The following RC3H2 variants were observed in gnomAD, a reference collection of about 807,000 sequenced individuals.
RC3H2 encodes ring finger and CCCH-type domains 2.
A neutral mutation model predicts 133.3 loss-of-function variants in RC3H2; 31 were observed. That is an observed-to-expected ratio of 0.23 (90% CI 0.17 to 0.31). The LOEUF (loss-of-function observed/expected upper bound fraction) is 0.31. Ranked by LOEUF, RC3H2 falls within the 10% of genes least tolerant of loss-of-function variation. RC3H2 has a pLI of 1.00. For missense variants in RC3H2, 1,175 were observed against 1,437.2 expected, an observed-to-expected ratio of 0.82 and a Z score of 2.95; for synonymous variants, 517 against 502.2, an observed-to-expected ratio of 1.03 and a Z score of -0.40.
chr9:122,891,483 C>A (rs900022146), intron 3 of RC3H2, among the ~76,000 whole-genome samples: 8 of 152,270 alleles, frequency 5.3e-5, no homozygotes, highest in Non-Finnish European at 5.9e-5. Flanking sequence ...TGAAACCCAC[C>A]CCAATCAAAT....
Position 122,848,917 on chromosome 9 carries a change from T to C in RC3H2, c.*710A>G, listed in dbSNP as rs545107492. The stretch of plus-strand genomic sequence containing the variant: ...GGCACTTGGTTATATTTTTAATTAA[T>C]TACTTCAACAAGTAGCCTGTGTATA... On this transcript the variant is annotated 3_prime_UTR_variant, in exon 21 of 21. Coordinates refer to ENST00000357244, the MANE Select transcript of RC3H2 (RefSeq NM_001100588.3). 6.6e-6 allele frequency: 1 copy of C among 152,110 alleles called. No individual in the cohort carries two copies. The highest frequency in any genetic ancestry group is 2.4e-5 in the African/African-American group (1 of 41,436). The allele number at this position is 152,110 out of a possible 1,614,324, so 9.4% of individuals were successfully genotyped here.
chr9:122,865,655 T>C lies in RC3H2; in HGVS notation c.1328A>G (p.Tyr443Cys), dbSNP rs1830616037. 6.2e-7 allele frequency: 1 copy of C among 1,606,112 alleles called. No individual in the cohort carries two copies. Among genetic ancestry groups the C allele is most frequent in the Non-Finnish European group, 8.5e-7 (1 of 1,176,740 alleles). Reference protein sequence around the residue: ...FAHSQEELEKYRLRNKKINAT... With the variant: ...FAHSQEELEKCRLRNKKINAT... ...ATTGATCTTTTTGTTCCTTAATCGA[T>C]ACCTGTTTCAAAAACAATCAACAGA... Residue 443 changes from tyrosine (Y) to cysteine (C), a missense_variant and splice_region_variant, in exon 10 of 21, where the codon TAT becomes TGT. By Grantham distance (194) the Tyr-to-Cys change is radical. Transcript: ENST00000357244.
At chr9:122,867,826 G>C (rs866534290) in intron 9 of RC3H2, among the ~76,000 whole-genome samples, 2 of 109,292 alleles carry the variant, frequency 1.8e-5, no homozygotes, top group Non-Finnish European at 3.9e-5. Flanking sequence ...CCCTCCGCCC[G>C]GCAGCCGGCC....
intron 10 of RC3H2, among the ~76,000 whole-genome samples, chr9:122,861,234 T>C (rs540420085): frequency 6.6e-6 from 1 of 152,258 alleles, no homozygotes; most frequent in East Asian, 1.9e-4. Flanking sequence ...CTCACACCTG[T>C]AATCCTAGCA....
chr9:122,864,723 C>T (rs1018013474), intron 10 of RC3H2, among the ~76,000 whole-genome samples: 7 of 152,090 alleles, frequency 4.6e-5, no homozygotes, highest in Admixed American at 1.3e-4. Context: ...TGGGTTCATG[C>T]CATTCTCCTA....
intron 9 of RC3H2, among the ~76,000 whole-genome samples, chr9:122,867,456 TG>T (rs977094759): frequency 6.9e-6 from 1 of 145,348 alleles, no homozygotes; most frequent in Admixed American, 6.8e-5. Context: ...AGGAGGGAGG[TG>T]GGGGGGTCAG....
chr9:122,890,215 A>C lies in RC3H2; in HGVS notation c.583+97T>G, dbSNP rs746180739. On this transcript the variant is annotated intron_variant, in intron 4 of 20. Coordinates refer to ENST00000357244, the MANE Select transcript of RC3H2 (RefSeq NM_001100588.3). The stretch of plus-strand genomic sequence containing the variant: ...TAATTATATCAAGATTTGTACATAT[A>C]AAGACGGGTTGAGTCTCAGGATTCA... The C allele has an allele frequency of 9.6e-6, 8 of 833,404 alleles. No homozygotes were observed. The Admixed American group carries it at 1.6e-4, about 17-fold the overall frequency. 51.6% of individuals were successfully genotyped at this position (833,404 alleles called of 1,614,324 possible).
chr9:122,880,678 T>G lies in RC3H2; in HGVS notation c.876A>C (p.Gly292=), dbSNP rs1564306796. 6.2e-7 allele frequency: 1 copy of G among 1,614,006 alleles called. No homozygotes were observed. The highest frequency in any genetic ancestry group is 1.3e-5 in the African/African-American group (1 of 75,004). The stretch of plus-strand genomic sequence containing the variant: ...ACCACTGTTCAGGTGAAATACGGAG[T>G]CCTGCTTCCATGGCAATATGAACAA... ...AQIVHIAMEA[G]LRISPEQWSS... The change falls in exon 6 of 21, where the codon GGA becomes GGC. Residue 292 remains glycine (G), a synonymous_variant. Coordinates refer to ENST00000357244, the MANE Select transcript of RC3H2 (RefSeq NM_001100588.3).
Position 122,892,918 on chromosome 9 carries a change from C to T in RC3H2, c.340G>A (p.Gly114Arg). The T allele has an allele frequency of 6.2e-7, 1 of 1,611,248 alleles. No homozygotes were observed. The highest frequency in any genetic ancestry group is 8.5e-7 in the Non-Finnish European group (1 of 1,178,094). Reference sequence around the variant, plus strand: ...CATTTTATGAACTTACCTTTACCTCCACTTAGTGGTTTTAAGTAGAGTGCC... The same window carrying T: ...CATTTTATGAACTTACCTTTACCTCTACTTAGTGGTTTTAAGTAGAGTGCC... ...DLALYLKPLS[G>R]GKGVASLNQS... The change falls in exon 3 of 21, where the codon GGA (glycine) becomes AGA (arginine). Residue 114 changes from glycine to arginine, a missense_variant. Around this residue, in one of 8 missense-constraint regions of RC3H2, gnomAD observed 121 missense variants for 243.5 expected, o/e 0.50. Transcript: ENST00000357244.
intron 4 of RC3H2, among the ~76,000 whole-genome samples, chr9:122,886,985 A>AT (rs1164314196): frequency 1.3e-5 from 2 of 152,214 alleles, no homozygotes; most frequent in Non-Finnish European, 2.9e-5. Context: ...ATAAAAGTAG[A>AT]TTTTTAAAAT....
At chr9:122,866,711 G>A (rs188891344) in intron 9 of RC3H2, among the ~76,000 whole-genome samples, 1 of 152,182 alleles carries the variant, frequency 6.6e-6, no homozygotes, top group Admixed American at 6.5e-5. Context: ...TCAGTGCTCA[G>A]TGGTGCCCAG....
rs377349398 is a variant in RC3H2 at position 122,849,694 on chromosome 9, T to G, written c.3509A>C (p.His1170Pro). Residue 1170 changes from histidine (H) to proline (P), a missense_variant, in exon 21 of 21, where the codon CAT becomes CCT. Around this residue, in one of 8 missense-constraint regions of RC3H2, gnomAD observed 220 missense variants for 201.1 expected, o/e 1.09. Transcript: ENST00000357244. The stretch of plus-strand genomic sequence containing the variant: ...GTCGTTTTTATCTTCAGACATAACA[T>G]GAGTTTTCAGAATGAGGTTGCCAGC... ...VSAGNLILKT[H>P]VMSEDKNDFL... 85 of 1,612,516 alleles carry G rather than the reference T, an allele frequency of 5.3e-5. No individual in the cohort carries two copies. In the Middle Eastern group the frequency reaches 6.6e-4, roughly 12 times the overall value.
Position 122,899,090 on chromosome 9 carries a change from GTTTTTTTTT to G in RC3H2, c.-67-1523_-67-1515del, listed in dbSNP as rs1183512993. On this transcript the variant is annotated intron_variant, in intron 1 of 20. Transcript: ENST00000357244. Reference sequence around the variant, plus strand: ...AAAAAATTCTATTAGCCTTTATTGTGTTTTTTTTTTTTTTTTTTTTTTTTTTTTCAGAGA... The same window carrying G: ...AAAAAATTCTATTAGCCTTTATTGTGTTTTTTTTTTTTTTTTTTTCAGAGA... 3.7e-4 allele frequency among the ~76,000 whole-genome samples: 33 copies of G among 88,390 alleles called. 2 individuals are homozygous for G. In the South Asian group the frequency reaches 0.011, roughly 28 times the overall value. 58.0% of individuals were successfully genotyped at this position (88,390 alleles called of 152,430 possible).
At chr9:122,858,367 T>C (rs1830329945) in intron 12 of RC3H2, among the ~76,000 whole-genome samples, 1 of 152,250 alleles carries the variant, frequency 6.6e-6, no homozygotes, top group Non-Finnish European at 1.5e-5. Flanking sequence ...CCTTGTATTT[T>C]TAAGATTTCT....
Position 122,892,691 on chromosome 9 carries a change from G to C in RC3H2, c.349+218C>G, listed in dbSNP as rs531661049. ...CTCCCAAAGTGCTGGGATTACAGGG[G>C]TGAGCCACCGCGCCCGGCTCTAGCT... On this transcript the variant is annotated intron_variant, in intron 3 of 20. Coordinates refer to ENST00000357244, the MANE Select transcript of RC3H2 (RefSeq NM_001100588.3). Among the ~76,000 whole-genome samples, 3 of 152,212 alleles carry C rather than the reference G, an allele frequency of 2.0e-5. No homozygotes were observed. The South Asian group carries it at 6.2e-4, about 32-fold the overall frequency.
At chr9:122,904,430 T>C (rs1028705372) in intron 1 of RC3H2, among the ~76,000 whole-genome samples, 6 of 152,208 alleles carry the variant, frequency 3.9e-5, no homozygotes, top group Non-Finnish European at 5.9e-5. Context: ...GTACAGCTGC[T>C]TCTCTGGGAA....
intron 18 of RC3H2, among the ~76,000 whole-genome samples, chr9:122,852,868 C>A (rs931507074): frequency 2.0e-5 from 3 of 152,198 alleles, no homozygotes; most frequent in African/African-American, 7.2e-5. Context: ...GCCACCACCC[C>A]GTCTGGGAGG....
At chr9:122,879,535 G>A (rs774826321) in intron 8 of RC3H2, among the ~76,000 whole-genome samples, 5 of 152,260 alleles carry the variant, frequency 3.3e-5, no homozygotes, top group Middle Eastern at 6.8e-3. Flanking sequence ...AAAATATTCT[G>A]CAATAAAGTA....
intron 13 of RC3H2, 102 bp from the exon 14 acceptor site, chr9:122,855,980 G>C (rs1024290027): frequency 8.3e-6 from 7 of 844,680 alleles, no homozygotes; most frequent in Non-Finnish European, 1.2e-5. Flanking sequence ...GGACTTCATA[G>C]CAAACAATTA....
Sources: gnomAD v4.1 joint callset for allele counts (sites outside exome capture counted in the v4.1 genomes callset) on GRCh38, gnomAD v4.1.1 for gene constraint, gnomAD v4.1.1 regional missense constraint, MANE v1.5 for transcripts, NCBI Gene and HGNC (gene_info 2026-07-23, HGNC 2026-07-21) for gene names.